Variants in RAD21 observed in about 807,000 individuals in gnomAD.
The protein encoded by RAD21 is double-strand-break repair protein rad21 homolog.
Under a neutral mutation model 71.5 loss-of-function variants are expected in RAD21, and 18 were observed. The observed-to-expected ratio is 0.25, with a 90% confidence interval of 0.17 to 0.37. The LOEUF (loss-of-function observed/expected upper bound fraction) is 0.37, where lower values mean the gene tolerates loss of function less well. Ranked by LOEUF, RAD21 falls within the 10% of genes least tolerant of loss-of-function variation. The probability of loss-of-function intolerance (pLI) is 1.00; values close to 1 mark genes in which losing one functional copy is unlikely to be tolerated. For synonymous variants in RAD21, 248 were observed against 254.0 expected, an observed-to-expected ratio of 0.98 and a Z score of 0.22; for missense variants, 493 against 769.1, an observed-to-expected ratio of 0.64 and a Z score of 4.25.
At chr8:116,863,067 C>CA (rs1449324446) in intron 3 of RAD21, 63 bp downstream of exon 3, 12 of 1,538,714 alleles carry the variant, frequency 7.8e-6, no homozygotes, top group Middle Eastern at 2.4e-4. Flanking sequence ...TACAGTAACA[C>CA]AAAAAACATG....
intron 7 of RAD21, 22 bp from the exon 8 acceptor site, chr8:116,856,310 A>AC (rs770949458): frequency 6.8e-7 from 1 of 1,472,328 alleles, no homozygotes; most frequent in African/African-American, 1.5e-5. Flanking sequence ...AAAAAAAAAA[A>AC]AAAAAGTCAC....
At chr8:116,852,467 T>C in intron 10 of RAD21, 82 bp downstream of exon 10, 1 of 1,360,330 alleles carries the variant, frequency 7.4e-7, no homozygotes, top group Non-Finnish European at 9.9e-7. Flanking sequence ...TCCTCATTTC[T>C]TTCACTCTGA....
intron 7 of RAD21, 142 bp downstream of exon 7, chr8:116,856,504 G>A: frequency 8.1e-7 from 1 of 1,239,168 alleles, no homozygotes; most frequent in South Asian, 2.0e-5. Flanking sequence ...CATAGAATCA[G>A]AACCAGTAAT....
chr8:116,859,332 T>C (rs1477748539), intron 4 of RAD21, among the ~76,000 whole-genome samples: 1 of 152,182 alleles, frequency 6.6e-6, no homozygotes, highest in Non-Finnish European at 1.5e-5. Flanking sequence ...GTAATTCTCA[T>C]GCTATTTAAA....
chr8:116,861,719 A>C, intron 4 of RAD21, 122 bp downstream of exon 4: 1 of 616,374 alleles, frequency 1.6e-6, no homozygotes, highest in Non-Finnish European at 2.8e-6. Context: ...ATCCTATATA[A>C]ATATATATAT....
Position 116,848,933 on chromosome 8 carries a change from A to G in RAD21, c.1704+13T>C. The stretch of plus-strand genomic sequence containing the variant: ...TGATGAAGCATTTTCCTCTGAGACA[A>G]CAGCGGCAATACCTGAAGACCATGA... On this transcript the variant is annotated intron_variant, in intron 13 of 13. Coordinates refer to ENST00000297338, the MANE Select transcript of RAD21 (RefSeq NM_006265.3). 1 of 1,596,874 alleles carries G rather than the reference A, an allele frequency of 6.3e-7. No individual in the cohort carries two copies. Among genetic ancestry groups the G allele is most frequent in the Non-Finnish European group, 8.5e-7 (1 of 1,171,000 alleles).
chr8:116,874,349 G>A (rs1269007039), intron 1 of RAD21: 4 of 163,936 alleles, frequency 2.4e-5, no homozygotes, highest in African/African-American at 7.3e-5. Flanking sequence ...GAATGGATCA[G>A]AATCATTTGT....
At chr8:116,850,351 A>G (rs145299510) in intron 12 of RAD21, among the ~76,000 whole-genome samples, 11 of 152,358 alleles carry the variant, frequency 7.2e-5, no homozygotes, top group Admixed American at 6.5e-4. Flanking sequence ...GCTACACGCA[A>G]TTTAGAAGCC....
chr8:116,862,755 A>C (rs1812615891), intron 3 of RAD21, among the ~76,000 whole-genome samples: 1 of 152,148 alleles, frequency 6.6e-6, no homozygotes, highest in Non-Finnish European at 1.5e-5. Flanking sequence ...TTAGGAAAAA[A>C]AGTTTAAAAT....
Position 116,850,721 on chromosome 8 carries a change from G to A in RAD21, c.1517C>T (p.Pro506Leu), listed in dbSNP as rs781356173. Residue 506 changes from proline to leucine, a missense_variant, in exon 12 of 14, where the codon CCA becomes CTA. By Grantham distance (98) the Pro-to-Leu change is moderately conservative. Transcript: ENST00000297338. ...QMEIPPVELPPEEPPNICQLI... is the reference protein window; with the variant it reads ...QMEIPPVELPLEEPPNICQLI... ...CTGACAGATATTTGGAGGTTCTTCT[G>A]GGGGAAGCTCTACAGGTGGTATTTC... 2 of 1,613,296 alleles carry A rather than the reference G, an allele frequency of 1.2e-6. No homozygotes were observed. Among genetic ancestry groups the A allele is most frequent in the Admixed American group, 3.3e-5 (2 of 59,972 alleles).
intron 2 of RAD21, among the ~76,000 whole-genome samples, chr8:116,865,436 T>TA (rs111596588): frequency 0.53 from 80,812 of 151,760 alleles, 21,767 homozygotes; most frequent in South Asian, 0.71. Context: ...AGCATACCTA[T>TA]AAAAAAAATT....
intron 12 of RAD21, 139 bp downstream of exon 12, chr8:116,850,479 T>A (rs1812326214): frequency 7.4e-7 from 1 of 1,351,572 alleles, no homozygotes; most frequent in African/African-American, 1.5e-5. Context: ...CCACGAAGAA[T>A]ATGGTAAAAT....
At chr8:116,871,148 T>C (rs1426087683) in intron 1 of RAD21, among the ~76,000 whole-genome samples, 1 of 152,230 alleles carries the variant, frequency 6.6e-6, no homozygotes, top group Non-Finnish European at 1.5e-5. Flanking sequence ...AGTGTAATTA[T>C]AATTGCCTTT....
chr8:116,852,089 G>C lies in RAD21; in HGVS notation c.1329C>G (p.Pro443=), dbSNP rs765533095. 4 of 1,602,632 alleles carry C rather than the reference G, an allele frequency of 2.5e-6. No homozygotes were observed. In the Admixed American group the frequency reaches 5.0e-5, roughly 20 times the overall value. The stretch of plus-strand genomic sequence containing the variant: ...GGAGGCGGCTTGGCTCTTCAATAAT[G>C]GGCTCATCTGCAATTGGTCATATGA... The part of the protein sequence containing the change: ...QHQQRDVIDE[P]IIEEPSRLQE... The change falls in exon 11 of 14, where the codon CCC becomes CCG. Residue 443 remains proline (P), a synonymous_variant. Coordinates refer to ENST00000297338, the MANE Select transcript of RAD21 (RefSeq NM_006265.3).
intron 7 of RAD21, 40 bp from the exon 8 acceptor site, chr8:116,856,328 T>A (rs1347746587): frequency 2.1e-6 from 3 of 1,452,024 alleles, no homozygotes; most frequent in Non-Finnish European, 1.8e-6. Context: ...CACAAAAAGC[T>A]TTGGTATATA....
chr8:116,851,339 C>T (rs1812344169), intron 11 of RAD21: 1 of 152,230 alleles, frequency 6.6e-6, no homozygotes, highest in South Asian at 2.1e-4. Context: ...CTCTTACCAC[C>T]AGAGGGCACA....
chr8:116,850,414 G>C (rs534445734), intron 12 of RAD21, among the ~76,000 whole-genome samples: 1 of 152,272 alleles, frequency 6.6e-6, no homozygotes, highest in African/African-American at 2.4e-5. Context: ...CCCCACAAGA[G>C]AGCCAATGAG....
chr8:116,872,930 C>T (rs748431710), intron 1 of RAD21, among the ~76,000 whole-genome samples: 4 of 152,208 alleles, frequency 2.6e-5, no homozygotes, highest in African/African-American at 4.8e-5. Context: ...TCCCTCTTTG[C>T]TCAGTTGTTT....
intron 1 of RAD21, among the ~76,000 whole-genome samples, chr8:116,869,986 A>G (rs985124221): frequency 6.6e-6 from 1 of 152,144 alleles, no homozygotes; most frequent in Non-Finnish European, 1.5e-5. Context: ...CAAGCAACAG[A>G]TTTCTTACAT....
Sources: allele counts gnomAD v4.1 joint callset (sites outside exome capture counted in the v4.1 genomes callset), GRCh38; gene constraint gnomAD v4.1.1; transcripts MANE v1.5; gene names NCBI Gene and HGNC (gene_info 2026-07-23, HGNC 2026-07-21).